Variants in TTLL6 observed in about 807,000 individuals in gnomAD.
The protein encoded by TTLL6 is tubulin polyglutamylase TTLL6.
A neutral mutation model predicts 96.4 loss-of-function variants in TTLL6; 75 were observed. That is an observed-to-expected ratio of 0.78 (90% CI 0.65 to 0.94). The LOEUF (loss-of-function observed/expected upper bound fraction) is 0.94, where lower values mean the gene tolerates loss of function less well. Among genes scored for constraint, TTLL6 ranks in the 40% least tolerant of loss-of-function variants. The pLI is 0.00. For missense variants in TTLL6, 1,030 were observed against 1,093.0 expected (o/e 0.94, Z 0.81); for synonymous variants, 411 against 419.4 (o/e 0.98, Z 0.24).
chr17:48,784,798 G>C, intron 13 of TTLL6, 125 bp downstream of exon 13: 1 of 714,022 alleles, frequency 1.4e-6, no homozygotes, highest in Non-Finnish European at 2.3e-6. Context: ...GCTTCTCAAG[G>C]GGAGACACCA....
rs545461154 is a variant in TTLL6 at position 48,816,376 on chromosome 17, T to A, written c.103+594A>T. ...GAGTGCCTCGCACATACTGGTGCTT[T>A]CAAAACGTTAGCTCCCTTCCCACTT... On this transcript the variant is annotated intron_variant, in intron 1 of 15. Transcript: ENST00000393382. Among the ~76,000 whole-genome samples the A allele has an allele frequency of 2.0e-5, 3 of 152,216 alleles. No individual in the cohort carries two copies. In the South Asian group the frequency reaches 6.2e-4, roughly 32 times the overall value.
Position 48,762,765 on chromosome 17 carries a change from G to C in TTLL6, c.*209C>G, listed in dbSNP as rs1333672299. On this transcript the variant is annotated 3_prime_UTR_variant, in exon 16 of 16. Coordinates refer to ENST00000393382, the MANE Select transcript of TTLL6 (RefSeq NM_001130918.3). ...ATCCAACCCCAGAAATCATGGTCCT[G>C]TAGCACTGTAAGCTAACTGGGAGGG... 12 of 370,562 alleles carry C rather than the reference G, an allele frequency of 3.2e-5. No homozygotes were observed. Among genetic ancestry groups the C allele is most frequent in the African/African-American group, 2.6e-4 (12 of 46,928 alleles). The allele number at this position is 370,562 out of a possible 1,614,324, so 23.0% of individuals were successfully genotyped here.
At chr17:48,769,512 T>C (rs1443161086) in intron 14 of TTLL6, among the ~76,000 whole-genome samples, 1 of 152,254 alleles carries the variant, frequency 6.6e-6, no homozygotes, top group Non-Finnish European at 1.5e-5. Flanking sequence ...AGAAGGGAAC[T>C]GGACAGCAAT....
At chr17:48,767,729 A>C (rs974674582) in intron 15 of TTLL6, among the ~76,000 whole-genome samples, 3 of 152,180 alleles carry the variant, frequency 2.0e-5, no homozygotes, top group Non-Finnish European at 4.4e-5. Context: ...AAGTTTTTAC[A>C]TATGACCTTC....
chr17:48,775,703 G>A (rs1053209491), intron 13 of TTLL6, among the ~76,000 whole-genome samples: 4 of 151,852 alleles, frequency 2.6e-5, no homozygotes, highest in African/African-American at 7.3e-5. Flanking sequence ...CACCACATCC[G>A]GTTAATTTTG....
chr17:48,812,282 A>G (rs1015147573), intron 1 of TTLL6: 5 of 152,146 alleles, frequency 3.3e-5, no homozygotes, highest in African/African-American at 1.2e-4. Flanking sequence ...GGAGAATACA[A>G]AGGAGTGAGG....
chr17:48,798,444 G>A (rs2039356374), intron 6 of TTLL6, among the ~76,000 whole-genome samples: 1 of 152,144 alleles, frequency 6.6e-6, no homozygotes, highest in African/African-American at 2.4e-5. Flanking sequence ...GTGGGTGCCT[G>A]TAATCCCAGC....
At position 48,787,837 on chromosome 17, in the gene TTLL6, A is replaced by G. The variant is rs752935645; in HGVS notation, c.1563T>C (p.Ala521=). 1 of 1,614,148 alleles carries G rather than the reference A, an allele frequency of 6.2e-7. No individual in the cohort carries two copies. Among genetic ancestry groups the G allele is most frequent in the Non-Finnish European group, 8.5e-7 (1 of 1,179,998 alleles). ...DNNSLFQNTV[A]SRAREEYARQ... is the part of the protein sequence containing the mutation. ...GGGCATACTCCTCCCGAGCCCTGGA[A>G]GCAACAGTATTCTGGAAGAGGGAGT... Residue 521 remains alanine, a synonymous_variant, in exon 11 of 16, where the codon GCT becomes GCC. Coordinates refer to ENST00000393382, the MANE Select transcript of TTLL6 (RefSeq NM_001130918.3).
chr17:48,817,079 C>T lies in TTLL6; in HGVS notation c.-7G>A. ...GAAGGAGTAACGCTCCCATTGGCTG[C>T]CAGACAGCCCCAACCCCAACCCGCG... On this transcript the variant is annotated 5_prime_UTR_variant, in exon 1 of 16. Transcript: ENST00000393382. 2.6e-6 allele frequency: 4 copies of T among 1,537,168 alleles called. No homozygotes were observed. Among genetic ancestry groups the T allele is most frequent in the Non-Finnish European group, 2.6e-6 (3 of 1,142,630 alleles).
chr17:48,762,977 G>A lies in TTLL6; in HGVS notation c.*1-4C>T. 3 of 420,172 alleles carry A rather than the reference G, an allele frequency of 7.1e-6. No homozygotes were observed. Among genetic ancestry groups the A allele is most frequent in the Admixed American group, 3.0e-5 (1 of 33,556 alleles). 26.0% of individuals were successfully genotyped at this position (420,172 alleles called of 1,614,324 possible). The stretch of plus-strand genomic sequence containing the variant: ...GTGGCAGAGATCCAGTCTGATTCTG[G>A]AAAAAAAAAATTTTTTTTTTAGATT... On this transcript the variant is annotated splice_region_variant and splice_polypyrimidine_tract_variant and intron_variant, in intron 15 of 15. Transcript: ENST00000393382.
chr17:48,794,281 T>C, intron 8 of TTLL6: 1 of 1,613,716 alleles, frequency 6.2e-7, no homozygotes, highest in Non-Finnish European at 8.5e-7. Context: ...CAATTCTCAT[T>C]GGAGGAGGAA....
chr17:48,815,258 C>T (rs1162382383), intron 1 of TTLL6: 1 of 152,126 alleles, frequency 6.6e-6, no homozygotes, highest in African/African-American at 2.4e-5. Flanking sequence ...ATATATAGAG[C>T]ACTGAAAGTT....
At chr17:48,773,979 G>C (rs1334550978) in intron 13 of TTLL6, among the ~76,000 whole-genome samples, 1 of 149,976 alleles carries the variant, frequency 6.7e-6, no homozygotes, top group Non-Finnish European at 1.5e-5. Flanking sequence ...CTACTTGGGA[G>C]GCTGAGGCAG....
At chr17:48,805,087 C>T (rs1020483327) in intron 1 of TTLL6, 96 bp from the exon 2 acceptor site, 1 of 988,836 alleles carries the variant, frequency 1.0e-6, no homozygotes, top group Non-Finnish European at 1.5e-6. Flanking sequence ...GGTTCTAATT[C>T]AACGCAACAG....
intron 1 of TTLL6, among the ~76,000 whole-genome samples, chr17:48,808,620 G>A (rs57459935): frequency 0.15 from 22,746 of 152,114 alleles, 1,937 homozygotes; most frequent in African/African-American, 0.22. Flanking sequence ...CCAGGCTGGA[G>A]TGCAGTGGTG....
intron 15 of TTLL6, among the ~76,000 whole-genome samples, chr17:48,766,934 GTTTT>G (rs1567712638): frequency 0.086 from 324 of 3,766 alleles, 1 homozygote; most frequent in Middle Eastern, 0.25. Context: ...TGTTGTTGTT[GTTTT>G]GTTTTGTTTT....
At chr17:48,803,415 A>G (rs1305375193) in intron 3 of TTLL6, among the ~76,000 whole-genome samples, 4 of 151,716 alleles carry the variant, frequency 2.6e-5, no homozygotes, top group African/African-American at 7.3e-5. Context: ...AGAATCACTT[A>G]AACCTAGGAG....
At chr17:48,811,212 G>T (rs7214826) in intron 1 of TTLL6, among the ~76,000 whole-genome samples, 38,407 of 151,146 alleles carry the variant, frequency 0.25, 5,066 homozygotes, top group Admixed American at 0.37. Flanking sequence ...GGGATTACAG[G>T]TGCCTGTCAC....
intron 13 of TTLL6, among the ~76,000 whole-genome samples, chr17:48,783,324 C>A (rs758799126): frequency 6.6e-6 from 1 of 152,060 alleles, no homozygotes; most frequent in Non-Finnish European, 1.5e-5. Context: ...GGGAGGAACA[C>A]AAAGAGATCT....
Sources: allele counts gnomAD v4.1 joint callset (sites outside exome capture counted in the v4.1 genomes callset), GRCh38; gene constraint gnomAD v4.1.1; transcripts MANE v1.5; gene names NCBI Gene and HGNC (gene_info 2026-07-23, HGNC 2026-07-21).